Variants in ZNF100 observed in about 807,000 individuals in gnomAD.
The protein encoded by ZNF100 is zinc finger protein 100, also known as zinc finger protein 100 (Y1).
Under a neutral mutation model 15.8 loss-of-function variants are expected in ZNF100, and 12 were observed. The observed-to-expected ratio is 0.76, with a 90% CI of 0.49 to 1.23. ZNF100 has a LOEUF of 1.23. Ranked by LOEUF, ZNF100 falls within the 50% of genes most tolerant of loss-of-function variation. ZNF100 has a pLI of 0.00. For synonymous variants in ZNF100, 226 were observed against 214.8 expected (o/e 1.05, Z -0.45); for missense variants, 670 against 635.6 (o/e 1.05, Z -0.58).
intron 4 of ZNF100, among the ~76,000 whole-genome samples, chr19:21,737,925 A>T (rs1012382784): frequency 2.6e-5 from 4 of 152,092 alleles, no homozygotes; most frequent in African/African-American, 9.7e-5. Context: ...AAAAACAACA[A>T]CAACAAAAAC....
At chr19:21,767,214 C>T (rs566761742) in intron 1 of ZNF100, among the ~76,000 whole-genome samples, 1 of 152,210 alleles carries the variant, frequency 6.6e-6, no homozygotes, top group East Asian at 1.9e-4. Flanking sequence ...CAGGCCAAGG[C>T]ACAGTCACTA....
At chr19:21,734,246 G>T (rs1054513070) in intron 4 of ZNF100, among the ~76,000 whole-genome samples, 1 of 152,174 alleles carries the variant, frequency 6.6e-6, no homozygotes, top group African/African-American at 2.4e-5. Context: ...GCTTCAGAAG[G>T]TGGGTAATAA....
At chr19:21,758,744 G>A (rs1193648551) in intron 2 of ZNF100, among the ~76,000 whole-genome samples, 1 of 152,176 alleles carries the variant, frequency 6.6e-6, no homozygotes, top group Non-Finnish European at 1.5e-5. Flanking sequence ...AATGTCTAGT[G>A]GGTATGTTTG....
At chr19:21,749,201 C>G (rs2036262012) in intron 2 of ZNF100, among the ~76,000 whole-genome samples, 1 of 151,826 alleles carries the variant, frequency 6.6e-6, no homozygotes, top group Non-Finnish European at 1.5e-5. Flanking sequence ...GTCACCGGAC[C>G]TCCTCTTTGT....
chr19:21,739,791 A>G (rs1435675106), intron 4 of ZNF100, among the ~76,000 whole-genome samples: 1 of 152,170 alleles, frequency 6.6e-6, no homozygotes, highest in African/African-American at 2.4e-5. Context: ...CCTAGGCAAC[A>G]TAGGCTAGTC....
At chr19:21,733,751 C>G (rs1338924462) in intron 4 of ZNF100, among the ~76,000 whole-genome samples, 2 of 152,252 alleles carry the variant, frequency 1.3e-5, no homozygotes, top group African/African-American at 2.4e-5. Context: ...TGCATCCTGA[C>G]TGAGTGAGGA....
intron 2 of ZNF100, among the ~76,000 whole-genome samples, chr19:21,748,085 C>A (rs751873851): frequency 2.0e-5 from 3 of 152,076 alleles, no homozygotes; most frequent in South Asian, 2.1e-4. Context: ...TGTGGAGCAA[C>A]TACTGGATCT....
intron 4 of ZNF100, among the ~76,000 whole-genome samples, chr19:21,739,392 G>A (rs755408402): frequency 1.3e-4 from 20 of 152,070 alleles, no homozygotes; most frequent in Non-Finnish European, 2.5e-4. Flanking sequence ...CCTGTCCCTA[G>A]AAATAATCAA....
At chr19:21,745,705 G>A (rs956035165) in intron 2 of ZNF100, among the ~76,000 whole-genome samples, 2 of 151,870 alleles carry the variant, frequency 1.3e-5, no homozygotes, top group African/African-American at 4.8e-5. Context: ...TGTATTTTTA[G>A]TAGAGACGGG....
rs975437013 is a variant in ZNF100, at chr19:21,762,452, C to T, written c.96+3242G>A. ...CCATTCTACTCCTTGTGTAGAAATG[C>T]AGAATAAACTTACTGGGTGTTTTCT... On this transcript the variant is annotated intron_variant, in intron 2 of 4. Transcript: ENST00000358296. Among the ~76,000 whole-genome samples the T allele has an allele frequency of 3.9e-5, 6 of 152,126 alleles. No homozygotes were observed. In the South Asian group the frequency reaches 1.2e-3, roughly 31 times the overall value.
chr19:21,743,600 CACT>C (rs758865269), intron 4 of ZNF100, among the ~76,000 whole-genome samples: 11 of 150,054 alleles, frequency 7.3e-5, no homozygotes, highest in Admixed American at 2.0e-4. Flanking sequence ...GAACAGAAAA[CACT>C]ACTTTCACAC....
chr19:21,733,379 T>G (rs928973675), intron 4 of ZNF100, among the ~76,000 whole-genome samples: 5 of 152,224 alleles, frequency 3.3e-5, no homozygotes, highest in African/African-American at 9.6e-5. Flanking sequence ...AAATACATTG[T>G]TTTAACTTTA....
chr19:21,735,219 A>G (rs1267753881), intron 4 of ZNF100, among the ~76,000 whole-genome samples: 1 of 152,118 alleles, frequency 6.6e-6, no homozygotes, highest in African/African-American at 2.4e-5. Context: ...TTAAATTTAA[A>G]TGGACTGAAT....
At position 21,739,004 on chromosome 19, in the gene ZNF100, T is replaced by A. The variant is rs145447870; in HGVS notation, c.322+5013A>T. 9.4e-3 allele frequency among the ~76,000 whole-genome samples: 1,431 copies of A among 152,286 alleles called. 11 individuals carry two copies. Among genetic ancestry groups the A allele is most frequent in the Non-Finnish European group, 0.014 (974 of 68,028 alleles). ...CCAGCTCTCATTTGAATTAATGAAG[T>A]GTAAACTTTCTGATTATCAAAAGGC... On this transcript the variant is annotated intron_variant, in intron 4 of 4. Transcript: ENST00000358296.
intron 4 of ZNF100, among the ~76,000 whole-genome samples, chr19:21,730,445 A>AGAGAGT (rs71178761): frequency 6.8e-6 from 1 of 147,606 alleles, no homozygotes; most frequent in African/African-American, 2.5e-5. Flanking sequence ...TGATAACCTA[A>AGAGAGT]GTGTGTGTGT....
Position 21,727,797 on chromosome 19 carries a change from G to GTAGT in ZNF100, c.511_514dup (p.Thr172AsnfsTer10). The GTAGT allele has an allele frequency of 6.2e-7, 1 of 1,613,486 alleles. No individual in the cohort carries two copies. The highest frequency in any genetic ancestry group is 8.5e-7 in the Non-Finnish European group (1 of 1,179,798). Reference sequence around the variant, plus strand: ...ATCACATTGAAATATGTTGCTCTGGGTAGTTATCAAACACTGGTTTAATTT... The same window carrying GTAGT: ...ATCACATTGAAATATGTTGCTCTGGGTAGTTAGTTATCAAACACTGGTTTAATTT... On this transcript the variant is annotated frameshift_variant, in exon 5 of 5. Coordinates refer to ENST00000358296, the MANE Select transcript of ZNF100 (RefSeq NM_173531.4). LOFTEE classifies it low-confidence loss of function (END_TRUNC).
intron 2 of ZNF100, among the ~76,000 whole-genome samples, chr19:21,763,279 A>G (rs1404720490): frequency 2.2e-5 from 3 of 135,244 alleles, no homozygotes; most frequent in African/African-American, 5.5e-5. Flanking sequence ...ATCTCTGCAC[A>G]TATTTTTTCT....
In ZNF100 at chr19:21,727,162, G is replaced by A. The variant is rs375931323; in HGVS notation, c.1150C>T (p.Arg384Ter). Reference protein sequence around the residue: ...KCEECGKAFYRFSYLTKHKTS... With the variant: ...KCEECGKAFY ...TTATGTTTAGTAAGGTATGAGAATC[G>A]GTAAAAAGCTTTGCCACATTCTTCA... The change falls in exon 5 of 5, where the codon CGA becomes TGA. Residue 384 changes from arginine (R) to a stop codon, truncating the protein, a stop_gained. Coordinates refer to ENST00000358296, the MANE Select transcript of ZNF100 (RefSeq NM_173531.4). LOFTEE classifies it low-confidence loss of function (END_TRUNC). The A allele has an allele frequency of 6.8e-6, 11 of 1,610,972 alleles. No individual in the cohort carries two copies. The highest frequency in any genetic ancestry group is 4.0e-5 in the African/African-American group (3 of 74,470).
At chr19:21,728,915 A>G (rs2035864005) in intron 4 of ZNF100, among the ~76,000 whole-genome samples, 1 of 152,014 alleles carries the variant, frequency 6.6e-6, no homozygotes, top group South Asian at 2.1e-4. Flanking sequence ...AAGAACATAA[A>G]TATTTAGAAT....
Sources: gnomAD v4.1 joint callset for allele counts (sites outside exome capture counted in the v4.1 genomes callset) on GRCh38, gnomAD v4.1.1 for gene constraint, MANE v1.5 for transcripts, NCBI Gene and HGNC (gene_info 2026-07-23, HGNC 2026-07-21) for gene names.